Variants in NSD2 observed in about 807,000 individuals in gnomAD.
NSD2 encodes histone-lysine N-methyltransferase NSD2.
A neutral mutation model predicts 139.0 loss-of-function variants in NSD2; 12 were observed. The observed-to-expected ratio is 0.09, with a 90% CI of 0.06 to 0.14. The LOEUF (loss-of-function observed/expected upper bound fraction) is 0.14. Ranked by LOEUF, NSD2 falls within the 10% of genes least tolerant of loss-of-function variation. NSD2 has a pLI of 1.00. For synonymous variants in NSD2, 669 were observed against 648.7 expected (o/e 1.03, Z -0.48); for missense variants, 1,155 against 1,745.0 (o/e 0.66, Z 6.02).
intron 18 of NSD2, among the ~76,000 whole-genome samples, chr4:1,965,597 A>G (rs1462174126): frequency 2.3e-4 from 35 of 152,262 alleles, no homozygotes; most frequent in Admixed American, 2.3e-3. Context: ...AAAGCTACTC[A>G]TTACATGCAA....
intron 1 of NSD2, among the ~76,000 whole-genome samples, chr4:1,888,639 A>G (rs1715298298): frequency 6.6e-6 from 1 of 151,872 alleles, no homozygotes; most frequent in Non-Finnish European, 1.5e-5. Context: ...ATCTCGGCTT[A>G]CTGCGGCCTC....
At chr4:1,914,474 C>T (rs1414511909) in intron 3 of NSD2, among the ~76,000 whole-genome samples, 2 of 151,894 alleles carry the variant, frequency 1.3e-5, no homozygotes, top group Non-Finnish European at 2.9e-5. Flanking sequence ...TACGGGCACA[C>T]GCCACCATGC....
chr4:1,882,588 C>T (rs1041841494), intron 1 of NSD2, among the ~76,000 whole-genome samples: 1 of 152,084 alleles, frequency 6.6e-6, no homozygotes, highest in East Asian at 1.9e-4. Flanking sequence ...GGTGTGAACC[C>T]GGGAGGTGGA....
Position 1,934,909 on chromosome 4 carries a change from A to ATATATAT in NSD2, c.1556-235_1556-234insTATATAT, listed in dbSNP as rs1491516751. On this transcript the variant is annotated intron_variant, in intron 6 of 21. Coordinates refer to ENST00000508803, the MANE Select transcript of NSD2 (RefSeq NM_001042424.3). ...TATATATATATATATATATATATAT[A>ATATATAT]AAAAACAGATAAAACAGATGCTAAT... 7.7e-5 allele frequency among the ~76,000 whole-genome samples: 9 copies of ATATATAT among 117,472 alleles called. No individual in the cohort carries two copies. In the South Asian group the frequency reaches 8.7e-4, roughly 11 times the overall value. 77.1% of individuals were successfully genotyped at this position (117,472 alleles called of 152,430 possible).
chr4:1,915,090 T>C (rs545934970), intron 3 of NSD2, among the ~76,000 whole-genome samples: 2 of 151,754 alleles, frequency 1.3e-5, no homozygotes, highest in East Asian at 3.9e-4. Flanking sequence ...AGCTTTCTTG[T>C]TGAATTTTTT....
intron 1 of NSD2, among the ~76,000 whole-genome samples, chr4:1,883,136 T>G (rs1156600420): frequency 6.6e-6 from 1 of 152,182 alleles, no homozygotes; most frequent in Admixed American, 6.5e-5. Context: ...CCTAAGTTTT[T>G]GTCTGACAGA....
chr4:1,944,312 AC>A, intron 9 of NSD2: 2 of 1,066,230 alleles, frequency 1.9e-6, no homozygotes, highest in Non-Finnish European at 2.3e-6. Context: ...CTTAGGGAGG[AC>A]CATTGGCTTG....
At chr4:1,924,015 G>T (rs1356541223) in intron 5 of NSD2, among the ~76,000 whole-genome samples, 1 of 152,144 alleles carries the variant, frequency 6.6e-6, no homozygotes, top group Non-Finnish European at 1.5e-5. Context: ...GAGCCAAGAG[G>T]TCTATCCAGG....
intron 11 of NSD2, 31 bp downstream of exon 11, chr4:1,952,262 C>T: frequency 1.9e-6 from 3 of 1,610,610 alleles, no homozygotes; most frequent in Non-Finnish European, 1.7e-6. Context: ...AGCTCTGCAG[C>T]CTGGCCGGCC....
At chr4:1,914,728 C>T (rs1719131196) in intron 3 of NSD2, among the ~76,000 whole-genome samples, 1 of 152,326 alleles carries the variant, frequency 6.6e-6, no homozygotes. Flanking sequence ...AGGTATTACT[C>T]CATTTCCTTC....
At chr4:1,959,884 A>AAAATTTGTTTT in intron 17 of NSD2, 144 bp downstream of exon 17, 1 of 1,000,658 alleles carries the variant, frequency 1.0e-6, no homozygotes, top group Non-Finnish European at 1.4e-6. Flanking sequence ...GTTTTGAGAC[A>AAAATTTGTTTT]GGGTCTCACT....
rs1401905410 is a variant in NSD2 at position 1,918,361 on chromosome 4, C to G, written c.1148C>G (p.Ala383Gly). 3.7e-6 allele frequency: 6 copies of G among 1,614,002 alleles called. No homozygotes were observed. The highest frequency in any genetic ancestry group is 4.2e-6 in the Non-Finnish European group (5 of 1,180,044). The change falls in exon 5 of 22, where the codon GCT becomes GGT. Residue 383 changes from alanine to glycine, a missense_variant. Around this residue, in one of 8 missense-constraint regions of NSD2, gnomAD observed 420 missense variants for 469.0 expected, o/e 0.90. Coordinates refer to ENST00000508803, the MANE Select transcript of NSD2 (RefSeq NM_001042424.3). ...MAESSGVSEE[A>G]AENPKSVREE... Reference sequence around the variant, plus strand: ...GAATCCTCAGGAGTCAGTGAAGAAGCTGCTGAAAACCCCAAGTCTGTGAGA... The same window carrying G: ...GAATCCTCAGGAGTCAGTGAAGAAGGTGCTGAAAACCCCAAGTCTGTGAGA...
intron 1 of NSD2, among the ~76,000 whole-genome samples, chr4:1,888,455 A>T (rs1362847245): frequency 6.6e-6 from 1 of 151,338 alleles, no homozygotes; most frequent in Non-Finnish European, 1.5e-5. Flanking sequence ...TATGCCAGAG[A>T]ATCATCTGTG....
chr4:1,972,733 G>A lies in NSD2; in HGVS notation c.3373-2130G>A, dbSNP rs1022543217. ...GCTGCATGCAACTACTCAGCAAACC[G>A]AAAACGCATGAAGCAAAAGGGTAAA... On this transcript the variant is annotated intron_variant, in intron 18 of 21. Coordinates refer to ENST00000508803, the MANE Select transcript of NSD2 (RefSeq NM_001042424.3). This position sits in a 1 kb window ranked among gnomAD's most constrained non-coding sequence, Gnocchi z 4.0. 6.6e-6 allele frequency among the ~76,000 whole-genome samples: 1 copy of A among 152,250 alleles called. No individual in the cohort carries two copies. The highest frequency in any genetic ancestry group is 1.5e-5 in the Non-Finnish European group (1 of 68,052).
In NSD2 at chr4:1,955,363, C is replaced by T. The variant is rs374919822; in HGVS notation, c.2518+23C>T. 37 of 1,590,908 alleles carry T rather than the reference C, an allele frequency of 2.3e-5. No individual in the cohort carries two copies. Among genetic ancestry groups the T allele is most frequent in the African/African-American group, 5.4e-5 (4 of 74,472 alleles). On this transcript the variant is annotated intron_variant, in intron 13 of 21. Transcript: ENST00000508803. This position sits in a 1 kb window ranked among gnomAD's most constrained non-coding sequence, Gnocchi z 4.7. ...AAGGTGAGGGGCCTGGGGGTGTCTG[C>T]GGCACACGCCTCTCACACTCCCAGG...
chr4:1,902,658 C>T (rs745592357), intron 2 of NSD2, among the ~76,000 whole-genome samples: 2 of 152,110 alleles, frequency 1.3e-5, no homozygotes, highest in Admixed American at 1.3e-4. Context: ...AGGCTGTTCA[C>T]GAACTCCTGA....
chr4:1,949,599 A>G (rs1281522683), intron 9 of NSD2, among the ~76,000 whole-genome samples: 3 of 152,130 alleles, frequency 2.0e-5, no homozygotes, highest in Non-Finnish European at 4.4e-5. Flanking sequence ...CATCTCTACT[A>G]AAAATACAAA....
chr4:1,978,800 C>T lies in NSD2; in HGVS notation c.3989C>T (p.Ala1330Val), dbSNP rs760185069. The change falls in exon 22 of 22, where the codon GCG becomes GTG. Residue 1330 changes from alanine to valine, a missense_variant. Transcript: ENST00000508803. ...TACTGCTGTGAGCATGACTTAGGGGCGGCATCGGTCAGAAGCACCAAGACT... is the reference window on the plus strand; with the variant it reads ...TACTGCTGTGAGCATGACTTAGGGGTGGCATCGGTCAGAAGCACCAAGACT... ...RSYCCEHDLG[A>V]ASVRSTKTEK... is the part of the protein sequence containing the mutation. 5.6e-5 allele frequency: 91 copies of T among 1,612,330 alleles called. No homozygotes were observed. The highest frequency in any genetic ancestry group is 2.0e-4 in the South Asian group (18 of 90,916).
chr4:1,978,909 G>A lies in NSD2; in HGVS notation c.4098G>A (p.Ter1366=), dbSNP rs1467739232. Residue 1366 remains the stop codon, a stop_retained_variant, in exon 22 of 22, where the codon TAG becomes TAA. Transcript: ENST00000508803. Reference sequence around the variant, plus strand: ...GGCGGAGAGTCACAGAGGGCAAATAGCGCCAGGCGGCCGCTTGGCCGGATC... The same window carrying A: ...GGCGGAGAGTCACAGAGGGCAAATAACGCCAGGCGGCCGCTTGGCCGGATC... ...RGWRRVTEGK[*] is the part of the protein sequence containing the mutation. 3 of 1,511,660 alleles carry A rather than the reference G, an allele frequency of 2.0e-6. No homozygotes were observed. Among genetic ancestry groups the A allele is most frequent in the Non-Finnish European group, 2.7e-6 (3 of 1,128,216 alleles). The allele number at this position is 1,511,660 out of a possible 1,614,324, so 93.6% of individuals were successfully genotyped here. A position where few individuals can be genotyped will look rare whatever the true frequency, so the allele number is the denominator to read the frequency against.
Sources: gnomAD v4.1 joint callset for allele counts (sites outside exome capture counted in the v4.1 genomes callset) on GRCh38, gnomAD v4.1.1 for gene constraint, gnomAD v4.1.1 regional missense constraint, Gnocchi (gnomAD v3.1) non-coding constraint, MANE v1.5 for transcripts, NCBI Gene and HGNC (gene_info 2026-07-23, HGNC 2026-07-21) for gene names.